The following CAMKMT variants were observed in gnomAD, a reference collection of about 807,000 sequenced individuals.
CAMKMT encodes calmodulin-lysine N-methyltransferase.
Under a neutral mutation model 48.0 loss-of-function variants are expected in CAMKMT, and 53 were observed. The observed-to-expected ratio is 1.10, with a 90% CI of 0.89 to 1.39. The LOEUF (loss-of-function observed/expected upper bound fraction) is 1.39. Ranked by LOEUF, CAMKMT falls within the 40% of genes most tolerant of loss-of-function variation. The probability of loss-of-function intolerance (pLI) is 0.00; values close to 1 mark genes in which losing one functional copy is unlikely to be tolerated. For synonymous variants in CAMKMT, 165 were observed against 152.3 expected (o/e 1.08, Z -0.61); for missense variants, 428 against 402.7 (o/e 1.06, Z -0.54).
intron 3 of CAMKMT, among the ~76,000 whole-genome samples, chr2:44,572,993 G>A (rs1022410403): frequency 6.6e-5 from 10 of 151,944 alleles, no homozygotes; most frequent in Non-Finnish European, 1.5e-4. Context: ...GTGCTGTTTG[G>A]CCGTCTATAT....
intron 2 of CAMKMT, among the ~76,000 whole-genome samples, chr2:44,374,800 C>G (rs1301792062): frequency 1.3e-5 from 2 of 151,946 alleles, no homozygotes; most frequent in Non-Finnish European, 2.9e-5. Context: ...CGTGACTGAG[C>G]TAAAGTGTTG....
intron 3 of CAMKMT, among the ~76,000 whole-genome samples, chr2:44,616,436 C>T (rs1349570162): frequency 6.6e-6 from 1 of 152,048 alleles, no homozygotes; most frequent in African/African-American, 2.4e-5. Flanking sequence ...TTTAATATTC[C>T]AAAACCCACA....
chr2:44,460,324 G>A (rs1481830100), intron 3 of CAMKMT, among the ~76,000 whole-genome samples: 1 of 152,102 alleles, frequency 6.6e-6, no homozygotes, highest in Non-Finnish European at 1.5e-5. Context: ...GATTCTCTGT[G>A]TTATTTCTTT....
intron 3 of CAMKMT, among the ~76,000 whole-genome samples, chr2:44,422,253 GCTGGTGCAATACTTATACAGCCTGTAGAA>G (rs1455479395): frequency 1.3e-5 from 2 of 152,346 alleles, no homozygotes; most frequent in African/African-American, 4.8e-5. Flanking sequence ...CTGAGCAGAT[GCTGGTGCAATACTTATACAGCCTGTAGAA>G]CTGTGAGCCA....
chr2:44,546,154 GACACACACACACACACACACAC>G (rs4039614), intron 3 of CAMKMT, among the ~76,000 whole-genome samples: 3,702 of 129,158 alleles, frequency 0.029, 126 homozygotes, highest in African/African-American at 0.094. Flanking sequence ...AGACTGCTAG[GACACACACACACACACACACAC>G]ACACACACAC....
chr2:44,540,511 G>T lies in CAMKMT; in HGVS notation c.376+150206G>T, dbSNP rs901311836. Among the ~76,000 whole-genome samples the T allele has an allele frequency of 2.0e-5, 3 of 152,112 alleles. No homozygotes were observed. The East Asian group carries it at 5.8e-4, about 29-fold the overall frequency. Reference sequence around the variant, plus strand: ...CATGCCTGTAATCCCAGCACTTTGGGAGGCCGAGGTGTGCGGATCCCTTGA... The same window carrying T: ...CATGCCTGTAATCCCAGCACTTTGGTAGGCCGAGGTGTGCGGATCCCTTGA... On this transcript the variant is annotated intron_variant, in intron 3 of 10. Coordinates refer to ENST00000378494, the MANE Select transcript of CAMKMT (RefSeq NM_024766.5).
intron 3 of CAMKMT, among the ~76,000 whole-genome samples, chr2:44,534,348 G>A (rs1461746453): frequency 1.3e-5 from 2 of 152,064 alleles, no homozygotes; most frequent in East Asian, 1.9e-4. Flanking sequence ...AATCAACAAC[G>A]AGACATTGGG....
chr2:44,396,890 C>G (rs1023046739), intron 3 of CAMKMT, among the ~76,000 whole-genome samples: 1 of 151,814 alleles, frequency 6.6e-6, no homozygotes. Context: ...GAAACCCTGT[C>G]TCTACTAAAA....
At chr2:44,687,166 T>C (rs1676383478) in intron 3 of CAMKMT, among the ~76,000 whole-genome samples, 1 of 152,234 alleles carries the variant, frequency 6.6e-6, no homozygotes, top group Non-Finnish European at 1.5e-5. Context: ...TCTAATGAAG[T>C]GTGTGACTGT....
chr2:44,604,189 T>C (rs1361078085), intron 3 of CAMKMT, among the ~76,000 whole-genome samples: 1 of 152,200 alleles, frequency 6.6e-6, no homozygotes, highest in Non-Finnish European at 1.5e-5. Context: ...TAGAATTAGA[T>C]CAAGGAAAGG....
intron 3 of CAMKMT, among the ~76,000 whole-genome samples, chr2:44,438,200 T>C (rs1666402559): frequency 6.6e-6 from 1 of 152,198 alleles, no homozygotes. Context: ...CTAGCTCCAG[T>C]GTTCATGCTC....
chr2:44,690,176 A>T (rs985795171), intron 3 of CAMKMT, among the ~76,000 whole-genome samples: 7 of 152,250 alleles, frequency 4.6e-5, no homozygotes, highest in Non-Finnish European at 7.3e-5. Flanking sequence ...AAAATATTTT[A>T]ACCAATCTAA....
chr2:44,377,722 T>C (rs57683336), intron 2 of CAMKMT, among the ~76,000 whole-genome samples: 6,463 of 152,258 alleles, frequency 0.042, 436 homozygotes, highest in African/African-American at 0.15. Context: ...CTAGAACTCT[T>C]GACTTTTGCC....
intron 3 of CAMKMT, among the ~76,000 whole-genome samples, chr2:44,649,185 G>T (rs747429617): frequency 2.8e-4 from 42 of 152,134 alleles, no homozygotes; most frequent in Non-Finnish European, 5.3e-4. Context: ...ATAATTAAAA[G>T]CCTAGCACAC....
chr2:44,768,150 C>T, intron 10 of CAMKMT, among the ~76,000 whole-genome samples: 1 of 151,976 alleles, frequency 6.6e-6, no homozygotes. Context: ...CTAAGTGAAG[C>T]ACATAAATAA....
At chr2:44,404,739 C>T (rs188157358) in intron 3 of CAMKMT, among the ~76,000 whole-genome samples, 2 of 152,144 alleles carry the variant, frequency 1.3e-5, no homozygotes, top group African/African-American at 4.8e-5. Flanking sequence ...ATTGTTCCTT[C>T]TCAAGGTCTT....
Position 44,556,769 on chromosome 2 carries a change from C to CTT in CAMKMT, c.377-147513_377-147512insTT, listed in dbSNP as rs60852195. ...CAGGCGTGAGCCACCGCGCCCGGCC[C>CTT]TCTTTTTTTTTTTTAAAGGATTAAT... On this transcript the variant is annotated intron_variant, in intron 3 of 10. Coordinates refer to ENST00000378494, the MANE Select transcript of CAMKMT (RefSeq NM_024766.5). Among the ~76,000 whole-genome samples the CTT allele has an allele frequency of 2.3e-3, 49 of 21,586 alleles. 11 individuals carry two copies. Among genetic ancestry groups the CTT allele is most frequent in the South Asian group, 4.0e-3 (3 of 746 alleles). The allele number at this position is 21,586 out of a possible 152,430, so 14.2% of individuals were successfully genotyped here. A position where few individuals can be genotyped will look rare whatever the true frequency, so the allele number is the denominator to read the frequency against.
chr2:44,674,959 C>G (rs1675586370), intron 3 of CAMKMT, among the ~76,000 whole-genome samples: 4 of 152,012 alleles, frequency 2.6e-5, no homozygotes, highest in Non-Finnish European at 4.4e-5. Context: ...TCCCTCCTTT[C>G]TTAAGCTAAA....
At chr2:44,490,082 A>C (rs937795197) in intron 3 of CAMKMT, among the ~76,000 whole-genome samples, 2 of 152,180 alleles carry the variant, frequency 1.3e-5, no homozygotes, top group Non-Finnish European at 2.9e-5. Context: ...ATCCAGTTAT[A>C]GTATTATATA....
Sources: gnomAD v4.1 joint callset for allele counts (sites outside exome capture counted in the v4.1 genomes callset) on GRCh38, gnomAD v4.1.1 for gene constraint, MANE v1.5 for transcripts, NCBI Gene and HGNC (gene_info 2026-07-23, HGNC 2026-07-21) for gene names.